The following SAMD4A variants were observed in gnomAD, a reference collection of about 807,000 sequenced individuals.
The protein encoded by SAMD4A is protein Smaug homolog 1.
Under a neutral mutation model 81.3 loss-of-function variants are expected in SAMD4A, and 33 were observed. The ratio of observed to expected loss-of-function variants is 0.41; its 90% CI spans 0.31 to 0.54. The LOEUF (loss-of-function observed/expected upper bound fraction) is 0.54. Ranked by LOEUF, SAMD4A falls within the 20% of genes least tolerant of loss-of-function variation. SAMD4A has a pLI of 0.37. For synonymous variants in SAMD4A, 389 were observed against 382.1 expected, an observed-to-expected ratio of 1.02 and a Z score of -0.21; for missense variants, 854 against 951.1, an observed-to-expected ratio of 0.90 and a Z score of 1.34.
rs144757052 is a variant in SAMD4A at position 54,620,215 on chromosome 14, A to G, written c.196+52103A>G. On this transcript the variant is annotated intron_variant, in intron 2 of 12. Transcript: ENST00000554335. ...CCTTGCCCCAGGTCTCACAGTTAGCAGCCGCTGAGCCAAAACCCATCTGCA... is the reference window on the plus strand; with the variant it reads ...CCTTGCCCCAGGTCTCACAGTTAGCGGCCGCTGAGCCAAAACCCATCTGCA... Among the ~76,000 whole-genome samples the G allele has an allele frequency of 1.1e-3, 166 of 152,320 alleles. 3 individuals carry two copies. In the South Asian group the frequency reaches 0.019, roughly 17 times the overall value.
At chr14:54,670,550 G>A (rs1326262489) in intron 2 of SAMD4A, among the ~76,000 whole-genome samples, 1 of 152,216 alleles carries the variant, frequency 6.6e-6, no homozygotes, top group East Asian at 1.9e-4. Context: ...TCGGCCAAAT[G>A]ACTTAACTTT....
chr14:54,703,419 A>G (rs2036770416), intron 3 of SAMD4A: 1 of 152,152 alleles, frequency 6.6e-6, no homozygotes, highest in Admixed American at 6.5e-5. Context: ...GTGGAAGTGC[A>G]CCCTGTCTTC....
rs564795985 is a variant in SAMD4A, at chr14:54,597,882, TG to T, written c.196+29772del. Among the ~76,000 whole-genome samples, 590 of 152,246 alleles carry T rather than the reference TG, an allele frequency of 3.9e-3. 6 individuals are homozygous for T. Among genetic ancestry groups the T allele is most frequent in the African/African-American group, 0.014 (564 of 41,528 alleles). The stretch of plus-strand genomic sequence containing the variant: ...GGATTACAGGCATGAGCCATCACAC[TG>T]GCCCCCTGTTGTGGTCTTAAGCACA... On this transcript the variant is annotated intron_variant, in intron 2 of 12. Transcript: ENST00000554335.
intron 8 of SAMD4A, among the ~76,000 whole-genome samples, chr14:54,764,803 C>T (rs1268805975): frequency 6.6e-6 from 1 of 152,216 alleles, no homozygotes; most frequent in Non-Finnish European, 1.5e-5. Context: ...GCTGGGGAAG[C>T]AGCCCCGGGT....
chr14:54,699,734 G>A (rs2036664732), intron 2 of SAMD4A, among the ~76,000 whole-genome samples: 1 of 151,944 alleles, frequency 6.6e-6, no homozygotes, highest in African/African-American at 2.4e-5. Flanking sequence ...ACCATATATG[G>A]CTTATATTTT....
intron 6 of SAMD4A, among the ~76,000 whole-genome samples, chr14:54,752,086 A>G (rs748235937): frequency 6.6e-6 from 1 of 152,232 alleles, no homozygotes; most frequent in South Asian, 2.1e-4. Context: ...ACTTAACAAC[A>G]GAATGGGTCC....
chr14:54,662,057 G>A (rs1441261483), intron 2 of SAMD4A, among the ~76,000 whole-genome samples: 1 of 152,198 alleles, frequency 6.6e-6, no homozygotes, highest in African/African-American at 2.4e-5. Flanking sequence ...AGGTAGAGGT[G>A]ACTCTCAGAC....
At chr14:54,778,242 T>C (rs1456730194) in intron 11 of SAMD4A, among the ~76,000 whole-genome samples, 1 of 152,190 alleles carries the variant, frequency 6.6e-6, no homozygotes, top group East Asian at 1.9e-4. Flanking sequence ...GCTTTCTCCA[T>C]CTTAACTGGG....
intron 4 of SAMD4A, among the ~76,000 whole-genome samples, chr14:54,740,744 C>T (rs1385361980): frequency 6.6e-6 from 1 of 152,172 alleles, no homozygotes; most frequent in South Asian, 2.1e-4. Flanking sequence ...TGTTAGCGTT[C>T]CCTGCCAGGG....
intron 2 of SAMD4A, among the ~76,000 whole-genome samples, chr14:54,627,192 C>T (rs551840781): frequency 2.6e-5 from 4 of 152,272 alleles, no homozygotes; most frequent in Non-Finnish European, 4.4e-5. Context: ...AGCTCAAGCT[C>T]AGAAAAACTG....
At chr14:54,690,405 G>A (rs1357823188) in intron 2 of SAMD4A, among the ~76,000 whole-genome samples, 2 of 152,108 alleles carry the variant, frequency 1.3e-5, no homozygotes, top group Admixed American at 6.5e-5. Flanking sequence ...AGTCTCCACT[G>A]GTATAGTGAT....
chr14:54,748,583 G>A (rs2038023360), intron 4 of SAMD4A, among the ~76,000 whole-genome samples: 1 of 152,208 alleles, frequency 6.6e-6, no homozygotes, highest in Non-Finnish European at 1.5e-5. Context: ...CCCCAACTTA[G>A]TACTCCTGGT....
At chr14:54,573,092 A>G (rs192408819) in intron 2 of SAMD4A, among the ~76,000 whole-genome samples, 6 of 152,328 alleles carry the variant, frequency 3.9e-5, no homozygotes, top group African/African-American at 1.2e-4. Flanking sequence ...TGAAATATTT[A>G]GGGGCTTTAT....
rs1307643189 is a variant in SAMD4A at position 54,760,536 on chromosome 14, A to G, written c.1510+42A>G. On this transcript the variant is annotated intron_variant, in intron 7 of 12. Transcript: ENST00000554335. ...CCATTTCTTTTTTCTTCTGGATACC[A>G]CTAACCAGAGCGACAGGCTCCTGGG... 8.7e-6 allele frequency: 12 copies of G among 1,372,972 alleles called. No individual in the cohort carries two copies. In the East Asian group the frequency reaches 1.5e-4, roughly 17 times the overall value. The allele number at this position is 1,372,972 out of a possible 1,614,324, so 85.0% of individuals were successfully genotyped here.
At chr14:54,724,015 A>AGGAAGGAAGGAAGGAAGGAT (rs2037340843) in intron 3 of SAMD4A, among the ~76,000 whole-genome samples, 3 of 141,340 alleles carry the variant, frequency 2.1e-5, no homozygotes, top group Non-Finnish European at 3.2e-5. Context: ...GATGGAAGGA[A>AGGAAGGAAGGAAGGAAGGAT]GGAAGGAAGG....
rs1271728763 is a variant in SAMD4A, at chr14:54,686,111, T to C, written c.197-15951T>C. On this transcript the variant is annotated intron_variant, in intron 2 of 12. Coordinates refer to ENST00000554335, the MANE Select transcript of SAMD4A (RefSeq NM_015589.6). ...CAGCTTTCTCAGCACAAATCCCTCA[T>C]GTCTGCCTAGAAAGAAGGGATGCCT... 9.8e-5 allele frequency among the ~76,000 whole-genome samples: 15 copies of C among 152,324 alleles called. No homozygotes were observed. The East Asian group carries it at 2.9e-3, about 29-fold the overall frequency.
Position 54,788,978 on chromosome 14 carries a change from A to G in SAMD4A, c.*34A>G, listed in dbSNP as rs1404118284. On this transcript the variant is annotated 3_prime_UTR_variant, in exon 13 of 13. Coordinates refer to ENST00000554335, the MANE Select transcript of SAMD4A (RefSeq NM_015589.6). ...GACGAGAGTGACCGCGCTGGCCGTG[A>G]AATCGACTGCTGCGGGTCCAGTGTC... The G allele has an allele frequency of 1.9e-6, 3 of 1,612,350 alleles. No individual in the cohort carries two copies. The highest frequency in any genetic ancestry group is 2.5e-6 in the Non-Finnish European group (3 of 1,178,382).
intron 2 of SAMD4A, among the ~76,000 whole-genome samples, chr14:54,582,961 T>A (rs2033511889): frequency 6.6e-6 from 1 of 152,190 alleles, no homozygotes; most frequent in South Asian, 2.1e-4. Context: ...TTTTTCTTTT[T>A]TGAGACAGAG....
At chr14:54,739,055 C>CTTTTCTT (rs5741994) in intron 4 of SAMD4A, among the ~76,000 whole-genome samples, 24 of 97,344 alleles carry the variant, frequency 2.5e-4, no homozygotes, top group Middle Eastern at 6.8e-3. Flanking sequence ...CTTTCCTTTT[C>CTTTTCTT]TTTTTTTTTT....
Sources: allele counts gnomAD v4.1 joint callset (sites outside exome capture counted in the v4.1 genomes callset), GRCh38; gene constraint gnomAD v4.1.1; transcripts MANE v1.5; gene names NCBI Gene and HGNC (gene_info 2026-07-23, HGNC 2026-07-21).